Variants in COL23A1 observed in about 807,000 individuals in gnomAD.
The protein encoded by COL23A1 is collagen type XXIII alpha 1 chain, also known as collagen alpha-1(XXIII) chain.
Under a neutral mutation model 99.3 loss-of-function variants are expected in COL23A1, and 97 were observed. The observed-to-expected ratio is 0.98, with a 90% CI of 0.83 to 1.16. COL23A1 has a LOEUF of 1.16. COL23A1 is among the 50% of genes most tolerant of loss of function. The pLI is 0.00. For synonymous variants in COL23A1, 320 were observed against 308.2 expected (o/e 1.04, Z -0.40); for missense variants, 762 against 757.4 (o/e 1.01, Z -0.07).
At chr5:178,505,352 C>T (rs1227838553) in intron 2 of COL23A1, among the ~76,000 whole-genome samples, 5 of 152,152 alleles carry the variant, frequency 3.3e-5, no homozygotes, top group East Asian at 3.9e-4. Flanking sequence ...CGGGTTCAAG[C>T]GATTCTCCTG....
At position 178,415,184 on chromosome 5, in the gene COL23A1, C is replaced by T. The variant is rs140066820; in HGVS notation, c.362-108265G>A. Among the ~76,000 whole-genome samples, 14 of 152,286 alleles carry T rather than the reference C, an allele frequency of 9.2e-5. No individual in the cohort carries two copies. The East Asian group carries it at 2.7e-3, about 29-fold the overall frequency. On this transcript the variant is annotated intron_variant, in intron 2 of 28. Coordinates refer to ENST00000390654, the MANE Select transcript of COL23A1 (RefSeq NM_173465.4). The surrounding 1 kb of genome is among the most constrained non-coding windows in gnomAD (Gnocchi z 4.6). ...GACTCTCCCAGGAAGGAGCTCCAGTCAAGGATCCTGGCATCTTGCTTGGTG... is the reference window on the plus strand; with the variant it reads ...GACTCTCCCAGGAAGGAGCTCCAGTTAAGGATCCTGGCATCTTGCTTGGTG...
At chr5:178,299,516 T>C (rs1038353711) in intron 3 of COL23A1, among the ~76,000 whole-genome samples, 3 of 152,162 alleles carry the variant, frequency 2.0e-5, no homozygotes, top group Admixed American at 2.0e-4. Context: ...GCCCTGATTT[T>C]GGTAATTTGA....
chr5:178,551,128 T>G (rs576529599), intron 2 of COL23A1, among the ~76,000 whole-genome samples: 8 of 148,580 alleles, frequency 5.4e-5, no homozygotes, highest in Admixed American at 4.0e-4. Context: ...CTAGTAATTT[T>G]AAAATATATA....
intron 2 of COL23A1, among the ~76,000 whole-genome samples, chr5:178,337,017 G>A (rs1429497190): frequency 6.6e-6 from 1 of 152,220 alleles, no homozygotes; most frequent in Non-Finnish European, 1.5e-5. Context: ...TGCTCAGAGC[G>A]GCGGAAACAG....
At chr5:178,349,262 C>T (rs1370125825) in intron 2 of COL23A1, among the ~76,000 whole-genome samples, 1 of 152,128 alleles carries the variant, frequency 6.6e-6, no homozygotes, top group African/African-American at 2.4e-5. Context: ...GCACAGGCAG[C>T]TGGGTGAGGG....
chr5:178,254,055 T>C (rs897444983), intron 16 of COL23A1, among the ~76,000 whole-genome samples: 1 of 152,038 alleles, frequency 6.6e-6, no homozygotes, highest in African/African-American at 2.4e-5. Context: ...TCCCAGCTAC[T>C]TGGGAGGCTG....
intron 2 of COL23A1, among the ~76,000 whole-genome samples, chr5:178,502,324 G>A (rs920501740): frequency 3.3e-5 from 5 of 152,136 alleles, no homozygotes; most frequent in South Asian, 2.1e-4. Flanking sequence ...GTAGAGACGG[G>A]GTTTCACCAT....
chr5:178,452,722 C>G (rs1379044623), intron 2 of COL23A1, among the ~76,000 whole-genome samples: 1 of 152,130 alleles, frequency 6.6e-6, no homozygotes, highest in Non-Finnish European at 1.5e-5. Context: ...AATAAGTGCA[C>G]TGCAAATTGA....
At chr5:178,382,241 C>T (rs781639923) in intron 2 of COL23A1, among the ~76,000 whole-genome samples, 75 of 152,156 alleles carry the variant, frequency 4.9e-4, no homozygotes, top group Non-Finnish European at 9.8e-4. Flanking sequence ...GCAGCTGCTG[C>T]GGCTGATCAT....
intron 2 of COL23A1, among the ~76,000 whole-genome samples, chr5:178,427,852 C>G (rs931729167): frequency 5.9e-5 from 9 of 152,266 alleles, no homozygotes; most frequent in African/African-American, 1.7e-4. Flanking sequence ...GACAGTGAAA[C>G]TATTCTGTAT....
intron 2 of COL23A1, among the ~76,000 whole-genome samples, chr5:178,485,229 T>C (rs1416084485): frequency 6.6e-6 from 1 of 152,106 alleles, no homozygotes; most frequent in East Asian, 1.9e-4. Flanking sequence ...TCCCAGCACT[T>C]TGGGAGGCCA....
intron 2 of COL23A1, among the ~76,000 whole-genome samples, chr5:178,549,290 G>A (rs1387765502): frequency 2.6e-5 from 4 of 151,098 alleles, no homozygotes; most frequent in African/African-American, 4.9e-5. Flanking sequence ...CACCATGCCC[G>A]GACCCATACA....
chr5:178,362,333 T>G (rs1026597811), intron 2 of COL23A1, among the ~76,000 whole-genome samples: 15 of 151,872 alleles, frequency 9.9e-5, no homozygotes, highest in African/African-American at 3.6e-4. Context: ...TGGGGGCATG[T>G]CCCACTGAAC....
At chr5:178,287,078 A>G (rs1293344964) in intron 5 of COL23A1, among the ~76,000 whole-genome samples, 3 of 152,242 alleles carry the variant, frequency 2.0e-5, no homozygotes, top group African/African-American at 4.8e-5. Flanking sequence ...TGCTTCCCCA[A>G]GATGCTGGAC....
chr5:178,484,541 G>A (rs186872667), intron 2 of COL23A1, among the ~76,000 whole-genome samples: 86 of 151,606 alleles, frequency 5.7e-4, no homozygotes, highest in African/African-American at 1.9e-3. Context: ...CAGTGAGGCC[G>A]GGCCGGGCGT....
intron 2 of COL23A1, among the ~76,000 whole-genome samples, chr5:178,349,576 C>T (rs922254071): frequency 5.0e-5 from 7 of 140,666 alleles, no homozygotes; most frequent in African/African-American, 1.9e-4. Flanking sequence ...CCGTGCCTCC[C>T]GCTTCCTGCC....
At position 178,365,287 on chromosome 5, in the gene COL23A1, C is replaced by T. The variant is rs948403214; in HGVS notation, c.362-58368G>A. Among the ~76,000 whole-genome samples the T allele has an allele frequency of 8.5e-5, 13 of 152,060 alleles. No individual in the cohort carries two copies. Among genetic ancestry groups the T allele is most frequent in the African/African-American group, 2.9e-4 (12 of 41,398 alleles). ...GATGGTGTGGGAGAGCGAGGTTGTG[C>T]TTTGATGCATGGGGTAGAGGAACCC... On this transcript the variant is annotated intron_variant, in intron 2 of 28. Coordinates refer to ENST00000390654, the MANE Select transcript of COL23A1 (RefSeq NM_173465.4). The surrounding 1 kb of genome is among the most constrained non-coding windows in gnomAD (Gnocchi z 5.2).
At chr5:178,500,461 C>A (rs934151122) in intron 2 of COL23A1, among the ~76,000 whole-genome samples, 1 of 149,074 alleles carries the variant, frequency 6.7e-6, no homozygotes, top group Non-Finnish European at 1.5e-5. Flanking sequence ...TTTAATTAGC[C>A]GAGTACTGTG....
chr5:178,587,195 A>AT (rs1211277987), intron 1 of COL23A1, among the ~76,000 whole-genome samples: 1 of 152,124 alleles, frequency 6.6e-6, no homozygotes, highest in Non-Finnish European at 1.5e-5. Flanking sequence ...AAAATATTAG[A>AT]TTTTTTTGCA....
Sources: allele counts gnomAD v4.1 joint callset (sites outside exome capture counted in the v4.1 genomes callset), GRCh38; gene constraint gnomAD v4.1.1; non-coding constraint Gnocchi (gnomAD v3.1); transcripts MANE v1.5; gene names NCBI Gene and HGNC (gene_info 2026-07-23, HGNC 2026-07-21).